The following LRP1B variants were observed in gnomAD, a reference collection of about 807,000 sequenced individuals.
The protein encoded by LRP1B is low-density lipoprotein receptor-related protein 1B.
In LRP1B, 217 loss-of-function variants were observed where a neutral mutation model predicts 556.6. The observed-to-expected ratio is 0.39, with a 90% CI of 0.35 to 0.44. LRP1B has a LOEUF of 0.44. Ranked by LOEUF, LRP1B falls within the 20% of genes least tolerant of loss-of-function variation. LRP1B has a pLI of 1.00. For missense variants in LRP1B, 5,053 were observed against 5,620.8 expected (o/e 0.90, Z 3.23); for synonymous variants, 2,047 against 1,865.8 (o/e 1.10, Z -2.50).
intron 18 of LRP1B, among the ~76,000 whole-genome samples, chr2:140,981,210 T>A (rs1436681561): frequency 6.6e-6 from 1 of 151,922 alleles, no homozygotes; most frequent in African/African-American, 2.4e-5. Context: ...CTTACCCATA[T>A]AACCAAAAAC....
At chr2:142,055,234 A>G (rs1255649210) in intron 1 of LRP1B, among the ~76,000 whole-genome samples, 1 of 152,118 alleles carries the variant, frequency 6.6e-6, no homozygotes. Flanking sequence ...GAGTGTGGAT[A>G]TAGAGAAGAA....
chr2:141,440,644 G>A (rs2105002628), intron 3 of LRP1B, among the ~76,000 whole-genome samples: 1 of 152,232 alleles, frequency 6.6e-6, no homozygotes, highest in African/African-American at 2.4e-5. Context: ...GCATTCTGAT[G>A]GGCCTGTTTC....
In LRP1B at chr2:140,926,821, C is replaced by T. The variant is rs183358741; in HGVS notation, c.3137-3674G>A. Among the ~76,000 whole-genome samples, 13 of 152,182 alleles carry T rather than the reference C, an allele frequency of 8.5e-5. No homozygotes were observed. The East Asian group carries it at 9.7e-4, about 11-fold the overall frequency. Reference sequence around the variant, plus strand: ...GTCAGAAAGTTAGAGGTTTTCTTGACTCTCAAGGTGGTCTTCAAGAGGAAT... The same window carrying T: ...GTCAGAAAGTTAGAGGTTTTCTTGATTCTCAAGGTGGTCTTCAAGAGGAAT... On this transcript the variant is annotated intron_variant, in intron 20 of 90. Transcript: ENST00000389484.
At chr2:142,065,594 C>T (rs921743804) in intron 1 of LRP1B, among the ~76,000 whole-genome samples, 4 of 151,404 alleles carry the variant, frequency 2.6e-5, no homozygotes, top group African/African-American at 9.7e-5. Context: ...CCATCTTCCA[C>T]CTTAATTCCC....
chr2:142,098,593 T>C (rs1380461109), intron 1 of LRP1B, among the ~76,000 whole-genome samples: 2 of 151,728 alleles, frequency 1.3e-5, no homozygotes, highest in Admixed American at 6.6e-5. Context: ...ATAGAATAAA[T>C]AAAATCTGAA....
At chr2:141,567,780 A>G (rs1424981960) in intron 2 of LRP1B, among the ~76,000 whole-genome samples, 2 of 139,000 alleles carry the variant, frequency 1.4e-5, no homozygotes, top group Non-Finnish European at 3.4e-5. Flanking sequence ...ATTCACCTTG[A>G]TTAGAATTTC....
intron 2 of LRP1B, among the ~76,000 whole-genome samples, chr2:141,723,001 G>A (rs528483317): frequency 1.3e-5 from 2 of 152,220 alleles, no homozygotes; most frequent in South Asian, 2.1e-4. Flanking sequence ...GAATAGTACT[G>A]TAATAAACAT....
At chr2:141,034,809 G>C (rs1574003368) in intron 11 of LRP1B, among the ~76,000 whole-genome samples, 1 of 149,278 alleles carries the variant, frequency 6.7e-6, no homozygotes, top group Non-Finnish European at 1.5e-5. Flanking sequence ...CGATTCCTCA[G>C]GGATCTAGAA....
chr2:141,384,457 T>G lies in LRP1B; in HGVS notation c.343+95939A>C, dbSNP rs145542218. Among the ~76,000 whole-genome samples, 218 of 152,168 alleles carry G rather than the reference T, an allele frequency of 1.4e-3. 1 individual carries two copies. Among genetic ancestry groups the G allele is most frequent in the Non-Finnish European group, 1.9e-3 (128 of 67,994 alleles). On this transcript the variant is annotated intron_variant, in intron 3 of 90. Transcript: ENST00000389484. ...GAAATCTATATTAATAGGTGTGAAATGTATTGAGATATAATTTTTTAAATA... is the reference window on the plus strand; with the variant it reads ...GAAATCTATATTAATAGGTGTGAAAGGTATTGAGATATAATTTTTTAAATA...
chr2:142,010,447 G>A (rs1221425606), intron 1 of LRP1B, among the ~76,000 whole-genome samples: 1 of 150,726 alleles, frequency 6.6e-6, no homozygotes, highest in Non-Finnish European at 1.5e-5. Context: ...TCAGCTACTC[G>A]GAGAGGCTGA....
At chr2:142,066,098 A>C (rs6754907) in intron 1 of LRP1B, among the ~76,000 whole-genome samples, 64,554 of 151,342 alleles carry the variant, frequency 0.43, 15,829 homozygotes, top group East Asian at 0.69. Context: ...AAATCTCTTC[A>C]AAGAAACTTT....
chr2:141,654,531 C>T (rs993413318), intron 2 of LRP1B, among the ~76,000 whole-genome samples: 1 of 152,208 alleles, frequency 6.6e-6, no homozygotes, highest in Admixed American at 6.5e-5. Flanking sequence ...GAAATTCTCT[C>T]TCCATCTGTC....
At chr2:140,510,779 A>T (rs1689618568) in intron 51 of LRP1B, among the ~76,000 whole-genome samples, 1 of 152,116 alleles carries the variant, frequency 6.6e-6, no homozygotes, top group African/African-American at 2.4e-5. Flanking sequence ...TAGTTGCATG[A>T]TAATGTCTTT....
intron 53 of LRP1B, among the ~76,000 whole-genome samples, chr2:140,504,776 T>C (rs962738764): frequency 1.3e-5 from 2 of 152,154 alleles, no homozygotes; most frequent in Non-Finnish European, 2.9e-5. Flanking sequence ...TTCTGTACCT[T>C]CCACTCCACC....
At chr2:141,206,610 C>T (rs1338266685) in intron 6 of LRP1B, among the ~76,000 whole-genome samples, 1 of 151,898 alleles carries the variant, frequency 6.6e-6, no homozygotes, top group Admixed American at 6.6e-5. Context: ...AGAATCGCCA[C>T]TATTTCTAAA....
intron 2 of LRP1B, among the ~76,000 whole-genome samples, chr2:141,624,041 A>AAAAAAAAAAAAAAAAAAAAAAAAAAAAAC (rs1688611714): frequency 6.7e-6 from 1 of 149,182 alleles, no homozygotes. Context: ...TTAAACAAAA[A>AAAAAAAAAAAAAAAAAAAAAAAAAAAAAC]AAAAAAGAAA....
At chr2:142,005,902 A>T (rs1239775985) in intron 1 of LRP1B, among the ~76,000 whole-genome samples, 1 of 142,916 alleles carries the variant, frequency 7.0e-6, no homozygotes, top group Non-Finnish European at 1.5e-5. Context: ...AAAAAAGAAA[A>T]AAAAAAGAAA....
At chr2:140,485,977 A>G (rs371798201) in intron 58 of LRP1B, among the ~76,000 whole-genome samples, 43 of 152,074 alleles carry the variant, frequency 2.8e-4, no homozygotes, top group African/African-American at 8.7e-4. Flanking sequence ...TTAGTTAACT[A>G]CAAGGAGAGA....
intron 2 of LRP1B, among the ~76,000 whole-genome samples, chr2:141,579,387 C>A (rs1022477636): frequency 7.2e-5 from 11 of 152,078 alleles, no homozygotes; most frequent in Non-Finnish European, 1.2e-4. Context: ...AGCCACTGAA[C>A]ATTTTAAATA....
Sources: allele counts gnomAD v4.1 joint callset (sites outside exome capture counted in the v4.1 genomes callset), GRCh38; gene constraint gnomAD v4.1.1; transcripts MANE v1.5; gene names NCBI Gene and HGNC (gene_info 2026-07-23, HGNC 2026-07-21).